Variants in APPL1 observed in about 807,000 individuals in gnomAD.
APPL1 encodes the protein adaptor protein, phosphotyrosine interacting with PH domain and leucine zipper 1.
A neutral mutation model predicts 106.8 loss-of-function variants in APPL1; 42 were observed. That is an observed-to-expected ratio of 0.39 (90% CI 0.31 to 0.51). The LOEUF is 0.51. APPL1 is among the 20% of genes least tolerant of loss of function. The pLI, the probability that APPL1 is intolerant of heterozygous loss-of-function variation, is 0.75. For missense variants in APPL1, 769 were observed against 858.2 expected (o/e 0.90, Z 1.30); for synonymous variants, 263 against 281.8 (o/e 0.93, Z 0.67).
At position 57,227,881 on chromosome 3, in the gene APPL1, A is replaced by G; in HGVS notation, c.-3A>G. ...CTCCTGCCACCGCCCTCCCTCCGCC[A>G]CGATGCCGGGGATCGACAAGCTGCC... On this transcript the variant is annotated 5_prime_UTR_variant, in exon 1 of 22. Transcript: ENST00000288266. 6.8e-7 allele frequency: 1 copy of G among 1,464,810 alleles called. No homozygotes were observed. Among genetic ancestry groups the G allele is most frequent in the Non-Finnish European group, 9.0e-7 (1 of 1,105,870 alleles). 90.7% of individuals were successfully genotyped at this position (1,464,810 alleles called of 1,614,324 possible). A position where few individuals can be genotyped will look rare whatever the true frequency, so the allele number is the denominator to read the frequency against.
rs923237043 is a variant in APPL1, at chr3:57,271,256, T to C, written c.*1569T>C. The C allele has an allele frequency of 6.6e-6, 1 of 152,572 alleles. No individual in the cohort carries two copies. The highest frequency in any genetic ancestry group is 2.4e-5 in the African/African-American group (1 of 41,430). 9.5% of individuals were successfully genotyped at this position (152,572 alleles called of 1,614,324 possible). On this transcript the variant is annotated 3_prime_UTR_variant, in exon 22 of 22. Coordinates refer to ENST00000288266, the MANE Select transcript of APPL1 (RefSeq NM_012096.3). ...ATATGTACATTGTTTTCTGTAGGAATAGGATAATGATATATAGGATCATGA... is the reference window on the plus strand; with the variant it reads ...ATATGTACATTGTTTTCTGTAGGAACAGGATAATGATATATAGGATCATGA...
chr3:57,237,611 A>AACAGC, intron 3 of APPL1, 60 bp downstream of exon 3: 1 of 1,206,058 alleles, frequency 8.3e-7, no homozygotes, highest in Non-Finnish European at 1.2e-6. Context: ...GTATAGATAG[A>AACAGC]CTTTCAACAA....
Position 57,269,762 on chromosome 3 carries a change from T to C in APPL1, c.*75T>C. On this transcript the variant is annotated 3_prime_UTR_variant, in exon 22 of 22. Coordinates refer to ENST00000288266, the MANE Select transcript of APPL1 (RefSeq NM_012096.3). The stretch of plus-strand genomic sequence containing the variant: ...GTGAAATGGCAGAAGGTAACAACTA[T>C]GTTGAAATATCAAGGAGGAGATTAA... 1 of 1,485,068 alleles carries C rather than the reference T, an allele frequency of 6.7e-7. No homozygotes were observed. Among genetic ancestry groups the C allele is most frequent in the Non-Finnish European group, 9.3e-7 (1 of 1,075,822 alleles). 92.0% of individuals were successfully genotyped at this position (1,485,068 alleles called of 1,614,324 possible).
intron 17 of APPL1, 24 bp from the exon 18 acceptor site, chr3:57,260,093 C>T (rs759177768): frequency 1.0e-5 from 16 of 1,605,562 alleles, no homozygotes; most frequent in African/African-American, 5.4e-5. Context: ...AATTTGTTTT[C>T]CAATTTTTAA....
At position 57,237,502 on chromosome 3, in the gene APPL1, G is replaced by A. The variant is rs1310209188; in HGVS notation, c.164G>A (p.Ser55Asn). 12 of 1,602,336 alleles carry A rather than the reference G, an allele frequency of 7.5e-6. No homozygotes were observed. Among genetic ancestry groups the A allele is most frequent in the Non-Finnish European group, 1.0e-5 (12 of 1,174,974 alleles). ...HRIYDAQNEL[S>N]AATHLTSKLL... Reference sequence around the variant, plus strand: ...ATGCTTTTTCCATAGAATGAATTAAGTGCAGCAACACACCTGACCTCAAAA... The same window carrying A: ...ATGCTTTTTCCATAGAATGAATTAAATGCAGCAACACACCTGACCTCAAAA... The change falls in exon 3 of 22, where the codon AGT (serine) becomes AAT (asparagine). Residue 55 changes from serine to asparagine, a missense_variant. Physicochemically the swap from Ser to Asn is conservative, Grantham distance 46. Coordinates refer to ENST00000288266, the MANE Select transcript of APPL1 (RefSeq NM_012096.3).
Position 57,273,106 on chromosome 3 carries a change from C to A in APPL1, c.*3419C>A, listed in dbSNP as rs2060956988. On this transcript the variant is annotated 3_prime_UTR_variant, in exon 22 of 22. Transcript: ENST00000288266. ...AACTATATTATACTTTTTAACCAATCTCTGTGGCTTCACTCATGAAATTTA... is the reference window on the plus strand; with the variant it reads ...AACTATATTATACTTTTTAACCAATATCTGTGGCTTCACTCATGAAATTTA... The A allele has an allele frequency of 6.6e-6, 1 of 152,614 alleles. No homozygotes were observed. Among genetic ancestry groups the A allele is most frequent in the African/African-American group, 2.4e-5 (1 of 41,440 alleles). The allele number at this position is 152,614 out of a possible 1,614,324, so 9.5% of individuals were successfully genotyped here. A position where few individuals can be genotyped will look rare whatever the true frequency, so the allele number is the denominator to read the frequency against.
At position 57,272,547 on chromosome 3, in the gene APPL1, T is replaced by G. The variant is rs2060949590; in HGVS notation, c.*2860T>G. On this transcript the variant is annotated 3_prime_UTR_variant, in exon 22 of 22. Coordinates refer to ENST00000288266, the MANE Select transcript of APPL1 (RefSeq NM_012096.3). ...TTTAAAATTTGAATCCTATTAATGCTGAGAGATCCTAAGAGCTAGTATGTT... is the reference window on the plus strand; with the variant it reads ...TTTAAAATTTGAATCCTATTAATGCGGAGAGATCCTAAGAGCTAGTATGTT... 1.3e-5 allele frequency: 2 copies of G among 152,166 alleles called. No individual in the cohort carries two copies. Among genetic ancestry groups the G allele is most frequent in the Admixed American group, 1.3e-4 (2 of 15,274 alleles). 9.4% of individuals were successfully genotyped at this position (152,166 alleles called of 1,614,324 possible). A position where few individuals can be genotyped will look rare whatever the true frequency, so the allele number is the denominator to read the frequency against.
chr3:57,257,506 T>C (rs2060843696), intron 15 of APPL1, 78 bp downstream of exon 15: 2 of 1,240,972 alleles, frequency 1.6e-6, no homozygotes, highest in Admixed American at 5.0e-5. Flanking sequence ...CAGAGTCATC[T>C]CTTATTTATA....
Position 57,257,347 on chromosome 3 carries a change from A to G in APPL1, c.1349A>G (p.Asp450Gly). 1 of 1,614,086 alleles carries G rather than the reference A, an allele frequency of 6.2e-7. No individual in the cohort carries two copies. The highest frequency in any genetic ancestry group is 8.5e-7 in the Non-Finnish European group (1 of 1,180,030). ...TCTCTAGATTCTCTTGTTGCCCCAG[A>G]CACCCCAATACAGTTTGACATAATT... ...ALSLDSLVAPDTPIQFDIISP... is the reference protein window; with the variant it reads ...ALSLDSLVAPGTPIQFDIISP... The change falls in exon 15 of 22, where the codon GAC becomes GGC. Residue 450 changes from aspartate to glycine, a missense_variant. Transcript: ENST00000288266.
At chr3:57,260,843 A>T in intron 19 of APPL1, 69 bp downstream of exon 19, 5 of 1,361,282 alleles carry the variant, frequency 3.7e-6, no homozygotes, top group Non-Finnish European at 4.9e-6. Flanking sequence ...ATTTAATAAT[A>T]ATTAAATTCT....
At chr3:57,247,781 G>T (rs1271291370) in intron 9 of APPL1, among the ~76,000 whole-genome samples, 1 of 152,062 alleles carries the variant, frequency 6.6e-6, no homozygotes, top group African/African-American at 2.4e-5. Flanking sequence ...TGAAATTGTG[G>T]GAGTTTGATG....
chr3:57,242,551 T>A (rs1021527353), intron 6 of APPL1, among the ~76,000 whole-genome samples: 1 of 152,220 alleles, frequency 6.6e-6, no homozygotes, highest in Non-Finnish European at 1.5e-5. Context: ...TCCTCCTGAG[T>A]AGCTGGGACT....
At chr3:57,268,613 A>G (rs2060911844) in intron 21 of APPL1, 126 bp downstream of exon 21, 1 of 1,108,058 alleles carries the variant, frequency 9.0e-7, no homozygotes, top group Admixed American at 2.6e-5. Context: ...TCATAAACAG[A>G]TGATTCATAC....
In APPL1 at chr3:57,228,075, G is replaced by T; in HGVS notation, c.54+138G>T. ...CGCCCTAGGTCACCGCCCGTCGCAG[G>T]CCGCGCCCGGAGTTGTGGAGGCTGG... On this transcript the variant is annotated intron_variant, in intron 1 of 21. Coordinates refer to ENST00000288266, the MANE Select transcript of APPL1 (RefSeq NM_012096.3). This position sits in a 1 kb window ranked among gnomAD's most constrained non-coding sequence, Gnocchi z 4.6. 1 of 712,690 alleles carries T rather than the reference G, an allele frequency of 1.4e-6. No homozygotes were observed. Among genetic ancestry groups the T allele is most frequent in the East Asian group, 4.0e-5 (1 of 25,148 alleles). 44.1% of individuals were successfully genotyped at this position (712,690 alleles called of 1,614,324 possible). A position where few individuals can be genotyped will look rare whatever the true frequency, so the allele number is the denominator to read the frequency against.
At chr3:57,256,038 T>C (rs886524628) in intron 13 of APPL1, among the ~76,000 whole-genome samples, 2 of 152,220 alleles carry the variant, frequency 1.3e-5, no homozygotes, top group Non-Finnish European at 2.9e-5. Flanking sequence ...AAAATTGTTA[T>C]GTGATTATTT....
At chr3:57,253,469 A>T (rs1198441755) in intron 12 of APPL1, among the ~76,000 whole-genome samples, 5 of 151,920 alleles carry the variant, frequency 3.3e-5, no homozygotes, top group African/African-American at 1.2e-4. Flanking sequence ...ATATATATTT[A>T]TATATATGCA....
In APPL1 at chr3:57,271,494, A is replaced by ATG; in HGVS notation, c.*1808_*1809dup. The ATG allele has an allele frequency of 6.6e-6, 1 of 152,400 alleles. No homozygotes were observed. The highest frequency in any genetic ancestry group is 1.5e-5 in the Non-Finnish European group (1 of 68,014). The allele number at this position is 152,400 out of a possible 1,614,324, so 9.4% of individuals were successfully genotyped here. ...TTCTGTTGCCAGCATTTAAGTAGTC[A>ATG]TGGCAAGTCCTGTTTTTAAGACCTT... On this transcript the variant is annotated 3_prime_UTR_variant, in exon 22 of 22. Coordinates refer to ENST00000288266, the MANE Select transcript of APPL1 (RefSeq NM_012096.3).
chr3:57,237,275 A>G (rs190810376), intron 2 of APPL1, among the ~76,000 whole-genome samples: 1 of 152,342 alleles, frequency 6.6e-6, no homozygotes, highest in East Asian at 1.9e-4. Flanking sequence ...AACAAACACC[A>G]GGAACACTGC....
Position 57,228,362 on chromosome 3 carries a change from G to A in APPL1, c.54+425G>A, listed in dbSNP as rs1414841832. 6.6e-6 allele frequency among the ~76,000 whole-genome samples: 1 copy of A among 152,244 alleles called. No individual in the cohort carries two copies. Among genetic ancestry groups the A allele is most frequent in the Non-Finnish European group, 1.5e-5 (1 of 68,036 alleles). On this transcript the variant is annotated intron_variant, in intron 1 of 21. Coordinates refer to ENST00000288266, the MANE Select transcript of APPL1 (RefSeq NM_012096.3). This position sits in a 1 kb window ranked among gnomAD's most constrained non-coding sequence, Gnocchi z 4.6. ...TTTAATGATTTCCGAGGCTCAGCAA[G>A]CTAAGGAAGGAAATGGATCGTTTTT... is the stretch of plus-strand genomic sequence containing the variant.
Sources: gnomAD v4.1 joint callset for allele counts (sites outside exome capture counted in the v4.1 genomes callset) on GRCh38, gnomAD v4.1.1 for gene constraint, Gnocchi (gnomAD v3.1) non-coding constraint, MANE v1.5 for transcripts, NCBI Gene and HGNC (gene_info 2026-07-23, HGNC 2026-07-21) for gene names.